The following SPECC1L variants were observed in gnomAD, a reference collection of about 807,000 sequenced individuals.
The protein encoded by SPECC1L is sperm antigen with calponin homology and coiled-coil domains 1 like.
SPECC1L carries 40 observed loss-of-function variants against 116.8 expected under a neutral mutation model. The observed-to-expected ratio is 0.34, with a 90% CI of 0.27 to 0.45. The LOEUF (loss-of-function observed/expected upper bound fraction) is 0.45, where lower values mean the gene tolerates loss of function less well. SPECC1L is among the 20% of genes least tolerant of loss of function. The probability of loss-of-function intolerance (pLI) is 1.00; values close to 1 mark genes in which losing one functional copy is unlikely to be tolerated. For missense variants in SPECC1L, 1,110 were observed against 1,373.6 expected (o/e 0.81, Z 3.03); for synonymous variants, 504 against 500.6 (o/e 1.01, Z -0.09).
rs2042731851 is a variant in SPECC1L at position 24,413,081 on chromosome 22, C to G, written c.3264+374C>G. On this transcript the variant is annotated intron_variant, in intron 16 of 16. Transcript: ENST00000314328. The stretch of plus-strand genomic sequence containing the variant: ...TTTATAAATCTCGCTGTCAAAAACA[C>G]CACACCAGCAGGTCCATCTGCCTTG... Among the ~76,000 whole-genome samples the G allele has an allele frequency of 3.3e-5, 5 of 152,170 alleles. No individual in the cohort carries two copies. The South Asian group carries it at 1.0e-3, about 32-fold the overall frequency.
At chr22:24,327,301 A>AAC in intron 6 of SPECC1L, among the ~76,000 whole-genome samples, 1 of 150,948 alleles carries the variant, frequency 6.6e-6, no homozygotes, top group Admixed American at 6.6e-5. Context: ...AAAAAAAAAA[A>AAC]ACATCAGAAC....
At chr22:24,400,458 T>C (rs977389547) in intron 14 of SPECC1L, among the ~76,000 whole-genome samples, 2 of 152,268 alleles carry the variant, frequency 1.3e-5, no homozygotes, top group Non-Finnish European at 2.9e-5. Flanking sequence ...ATTTTGTTTA[T>C]TCATTTGTCA....
intron 1 of SPECC1L, among the ~76,000 whole-genome samples, chr22:24,273,250 A>G (rs1331027439): frequency 2.6e-5 from 4 of 152,236 alleles, no homozygotes; most frequent in Non-Finnish European, 4.4e-5. Flanking sequence ...CAAAATTACT[A>G]TCATATACAT....
Position 24,321,654 on chromosome 22 carries a change from A to T in SPECC1L, c.674A>T (p.Lys225Ile). The stretch of plus-strand genomic sequence containing the variant: ...GAGGATCATTCTGAGGGTGATGAAA[A>T]ATCTGAGAAGGAAACTATTATGGCT... ...INEDHSEGDE[K>I]SEKETIMAHQ... Residue 225 changes from lysine to isoleucine, a missense_variant, in exon 5 of 17, where the codon AAA becomes ATA. Physicochemically the swap from Lys to Ile is moderately radical, Grantham distance 102. This residue lies in a region of SPECC1L where 437 missense variants were observed against 482.6 expected (regional missense o/e 0.91). Coordinates refer to ENST00000314328, the MANE Select transcript of SPECC1L (RefSeq NM_015330.6). 1.2e-6 allele frequency: 2 copies of T among 1,614,226 alleles called. No homozygotes were observed. The highest frequency in any genetic ancestry group is 1.7e-6 in the Non-Finnish European group (2 of 1,180,044).
At position 24,338,406 on chromosome 22, in the gene SPECC1L, G is replaced by A. The variant is rs554273788; in HGVS notation, c.2581G>A (p.Ala861Thr). Residue 861 changes from alanine (A) to threonine (T), a missense_variant, in exon 10 of 17, where the codon GCA (alanine) becomes ACA (threonine). Transcript: ENST00000314328. The stretch of plus-strand genomic sequence containing the variant: ...TGTAGTACCAAACCCTGCTGCAGCT[G>A]CAATTCCTCGAACGCCCCTGAGCCC... ...ASQVPNPAAA[A>T]IPRTPLSPSP... 9 of 1,613,938 alleles carry A rather than the reference G, an allele frequency of 5.6e-6. No individual in the cohort carries two copies. Among genetic ancestry groups the A allele is most frequent in the Admixed American group, 1.7e-5 (1 of 59,994 alleles).
chr22:24,305,176 G>T (rs1186410570), intron 3 of SPECC1L, among the ~76,000 whole-genome samples: 1 of 152,108 alleles, frequency 6.6e-6, no homozygotes, highest in Non-Finnish European at 1.5e-5. Context: ...GACTTTTTTT[G>T]TTGAAGTAAA....
intron 1 of SPECC1L, among the ~76,000 whole-genome samples, chr22:24,271,453 G>T (rs969105374): frequency 6.6e-6 from 1 of 152,258 alleles, no homozygotes; most frequent in African/African-American, 2.4e-5. Flanking sequence ...GGCGGACCCC[G>T]GGCCTGCTGC....
chr22:24,347,132 C>T lies in SPECC1L; in HGVS notation c.2699C>T (p.Ala900Val). The change falls in exon 11 of 17, where the codon GCC becomes GTC. Residue 900 changes from alanine to valine, a missense_variant. Coordinates refer to ENST00000314328, the MANE Select transcript of SPECC1L (RefSeq NM_015330.6). ...ATCTCAACATCCAAACCCCTGACAGCCCTGTCAGATAAGAGACCAAACTAT... is the reference window on the plus strand; with the variant it reads ...ATCTCAACATCCAAACCCCTGACAGTCCTGTCAGATAAGAGACCAAACTAT... The part of the protein sequence containing the change: ...GPISTSKPLT[A>V]LSDKRPNYGE... The T allele has an allele frequency of 6.2e-7, 1 of 1,613,988 alleles. No individual in the cohort carries two copies. The highest frequency in any genetic ancestry group is 8.5e-7 in the Non-Finnish European group (1 of 1,179,902).
chr22:24,275,587 C>G (rs1438483269), intron 1 of SPECC1L, among the ~76,000 whole-genome samples: 1 of 147,488 alleles, frequency 6.8e-6, no homozygotes, highest in Non-Finnish European at 1.5e-5. Context: ...TGTGTTTGGA[C>G]AGTAAGGGTT....
intron 2 of SPECC1L, among the ~76,000 whole-genome samples, chr22:24,299,662 C>G (rs2049336776): frequency 6.6e-6 from 1 of 151,856 alleles, no homozygotes; most frequent in African/African-American, 2.4e-5. Context: ...GTTCGACTTA[C>G]AATGTTTTTA....
At position 24,400,323 on chromosome 22, in the gene SPECC1L, T is replaced by G. The variant is rs538576561; in HGVS notation, c.3088-11265T>G. Among the ~76,000 whole-genome samples the G allele has an allele frequency of 3.9e-5, 6 of 152,346 alleles. No individual in the cohort carries two copies. In the South Asian group the frequency reaches 1.2e-3, roughly 32 times the overall value. ...ATTTCATATAAATAGAATCATACAG[T>G]ATGTAGCCTTTTGTGTCTAACTTTC... On this transcript the variant is annotated intron_variant, in intron 14 of 16. Transcript: ENST00000314328.
rs755142787 is a variant in SPECC1L, at chr22:24,321,503, A to G, written c.523A>G (p.Ile175Val). Residue 175 changes from isoleucine (I) to valine (V), a missense_variant, in exon 5 of 17, where the codon ATC becomes GTC. Transcript: ENST00000314328. ...RMSKSKSDNQISDRAALEAKV... is the reference protein window; with the variant it reads ...RMSKSKSDNQVSDRAALEAKV... Reference sequence around the variant, plus strand: ...GAGCAAGTCTAAGTCAGACAATCAGATCAGTGACAGAGCTGCTTTGGAGGC... The same window carrying G: ...GAGCAAGTCTAAGTCAGACAATCAGGTCAGTGACAGAGCTGCTTTGGAGGC... The G allele has an allele frequency of 8.7e-6, 14 of 1,614,138 alleles. No homozygotes were observed. The highest frequency in any genetic ancestry group is 1.3e-5 in the African/African-American group (1 of 74,948).
intron 9 of SPECC1L, 38 bp from the exon 10 acceptor site, chr22:24,338,348 A>G: frequency 6.2e-7 from 1 of 1,600,402 alleles, no homozygotes; most frequent in Non-Finnish European, 8.6e-7. Flanking sequence ...TCCACTGTAC[A>G]GTGACATTAT....
intron 14 of SPECC1L, among the ~76,000 whole-genome samples, chr22:24,384,661 C>CGA (rs2042125737): frequency 6.6e-6 from 1 of 152,222 alleles, no homozygotes; most frequent in African/African-American, 2.4e-5. Flanking sequence ...GGGCTACACT[C>CGA]TGCTACAGTT....
chr22:24,367,035 A>G (rs2041782321), intron 13 of SPECC1L, among the ~76,000 whole-genome samples: 1 of 152,164 alleles, frequency 6.6e-6, no homozygotes, highest in Non-Finnish European at 1.5e-5. Context: ...CTGTACTAAA[A>G]ATACAAAAAT....
At position 24,414,611 on chromosome 22, in the gene SPECC1L, C is replaced by T. The variant is rs2042768325; in HGVS notation, c.3342C>T (p.Tyr1114=). The T allele has an allele frequency of 1.2e-6, 2 of 1,613,996 alleles. No individual in the cohort carries two copies. Among genetic ancestry groups the T allele is most frequent in the East Asian group, 2.2e-5 (1 of 44,884 alleles). The part of the protein sequence containing the change: ...VMLYVTAIYK[Y]FET The stretch of plus-strand genomic sequence containing the variant: ...TGTATGTGACGGCGATCTACAAGTA[C>T]TTTGAGACCTGAGCATGCCGGGAGG... Residue 1114 remains tyrosine, a synonymous_variant, in exon 17 of 17, where the codon TAC becomes TAT. Coordinates refer to ENST00000314328, the MANE Select transcript of SPECC1L (RefSeq NM_015330.6).
At chr22:24,378,451 T>C (rs2042008069) in intron 14 of SPECC1L, among the ~76,000 whole-genome samples, 1 of 152,256 alleles carries the variant, frequency 6.6e-6, no homozygotes, top group Non-Finnish European at 1.5e-5. Context: ...TTTAATTTCC[T>C]TCAAGAACTT....
At chr22:24,413,835 A>G (rs555716181) in intron 16 of SPECC1L, among the ~76,000 whole-genome samples, 1 of 152,194 alleles carries the variant, frequency 6.6e-6, no homozygotes, top group Admixed American at 6.5e-5. Context: ...GTGCTCAGCC[A>G]CACGTCCTGT....
intron 14 of SPECC1L, among the ~76,000 whole-genome samples, chr22:24,387,061 A>G (rs1202925016): frequency 3.3e-5 from 5 of 152,196 alleles, no homozygotes; most frequent in Non-Finnish European, 5.9e-5. Flanking sequence ...CCCTGCTGAC[A>G]GGGCTCTAAA....
Sources: gnomAD v4.1 joint callset for allele counts (sites outside exome capture counted in the v4.1 genomes callset) on GRCh38, gnomAD v4.1.1 for gene constraint, gnomAD v4.1.1 regional missense constraint, MANE v1.5 for transcripts, NCBI Gene and HGNC (gene_info 2026-07-23, HGNC 2026-07-21) for gene names.